Variants in DPP6 observed in about 807,000 individuals in gnomAD.
DPP6 encodes the protein A-type potassium channel modulatory protein DPP6.
DPP6 carries 69 observed loss-of-function variants against 122.6 expected under a neutral mutation model. The ratio of observed to expected loss-of-function variants is 0.56; its 90% CI spans 0.46 to 0.69. The LOEUF (loss-of-function observed/expected upper bound fraction) is 0.69, where lower values mean the gene tolerates loss of function less well. Among genes scored for constraint, DPP6 ranks in the 30% least tolerant of loss-of-function variants. DPP6 has a pLI of 0.00. For missense variants in DPP6, 928 were observed against 1,116.9 expected, an observed-to-expected ratio of 0.83 and a Z score of 2.41; for synonymous variants, 418 against 433.1, an observed-to-expected ratio of 0.97 and a Z score of 0.43.
chr7:154,622,467 G>C (rs1486138201), intron 5 of DPP6, among the ~76,000 whole-genome samples: 1 of 152,206 alleles, frequency 6.6e-6, no homozygotes, highest in Non-Finnish European at 1.5e-5. Flanking sequence ...AGTCTGTACA[G>C]GGTCTGGTTG....
chr7:154,467,048 G>A (rs1464416293), intron 2 of DPP6, among the ~76,000 whole-genome samples: 1 of 152,166 alleles, frequency 6.6e-6, no homozygotes, highest in Non-Finnish European at 1.5e-5. Context: ...TAGGATGACA[G>A]TTATAGACAT....
intron 1 of DPP6, among the ~76,000 whole-genome samples, chr7:154,361,576 A>T (rs1341325993): frequency 6.6e-6 from 1 of 151,062 alleles, no homozygotes; most frequent in Non-Finnish European, 1.5e-5. Context: ...ACACCTGAGC[A>T]AAGAAATCTT....
chr7:154,845,775 A>C (rs149828254), intron 16 of DPP6, among the ~76,000 whole-genome samples: 174 of 152,394 alleles, frequency 1.1e-3, no homozygotes, highest in Admixed American at 3.7e-3. Flanking sequence ...TCCATACACT[A>C]TCAGTTGGAG....
At position 153,997,730 on chromosome 7, in the gene DPP6, C is replaced by T. The variant is rs531834326; in HGVS notation, c.51+109996C>T. On this transcript the variant is annotated intron_variant, in intron 1 of 25. Coordinates refer to the DPP6 transcript ENST00000404039. ...GCAAATGCATTTATCAAGCATCCAGCGACAAAAAGCTCCTAGACGTCTACT... is the reference window on the plus strand; with the variant it reads ...GCAAATGCATTTATCAAGCATCCAGTGACAAAAAGCTCCTAGACGTCTACT... 2.1e-4 allele frequency among the ~76,000 whole-genome samples: 30 copies of T among 146,132 alleles called. 4 individuals are homozygous for T. The highest frequency in any genetic ancestry group is 8.0e-4 in the African/African-American group (30 of 37,308).
intron 5 of DPP6, chr7:154,587,846 A>G (rs561081590): frequency 4.3e-6 from 7 of 1,612,692 alleles, no homozygotes; most frequent in East Asian, 2.2e-5. Flanking sequence ...CCAGCTTGCC[A>G]TGTACAAGGG....
At chr7:154,110,398 ACT>A (rs1365677311) in intron 1 of DPP6, among the ~76,000 whole-genome samples, 4 of 152,094 alleles carry the variant, frequency 2.6e-5, no homozygotes, top group African/African-American at 9.7e-5. Context: ...AAGAAGCATC[ACT>A]CTGCTTGGGT....
At chr7:154,823,589 A>C (rs574753184) in intron 16 of DPP6, among the ~76,000 whole-genome samples, 1 of 152,286 alleles carries the variant, frequency 6.6e-6, no homozygotes, top group African/African-American at 2.4e-5. Context: ...TAAAGTCCTA[A>C]CCATCATTGT....
At chr7:154,127,370 A>G (rs1205827146) in intron 1 of DPP6, among the ~76,000 whole-genome samples, 2 of 152,188 alleles carry the variant, frequency 1.3e-5, no homozygotes, top group African/African-American at 4.8e-5. Context: ...CATTTTAGGT[A>G]TAGATTAAAA....
At chr7:154,473,709 A>G (rs1317298914) in intron 2 of DPP6, among the ~76,000 whole-genome samples, 1 of 152,234 alleles carries the variant, frequency 6.6e-6, no homozygotes, top group East Asian at 1.9e-4. Context: ...TTAAAACACA[A>G]AATTAAAAGA....
chr7:154,222,005 A>C (rs1373841792), intron 1 of DPP6, among the ~76,000 whole-genome samples: 2 of 152,114 alleles, frequency 1.3e-5, no homozygotes, highest in Admixed American at 1.3e-4. Context: ...TACCATGGGG[A>C]TAGAACATCT....
At chr7:153,870,458 C>G in the DPP6 span, among the ~76,000 whole-genome samples, 17 of 152,320 alleles carry the variant, frequency 1.1e-4, 1 homozygote, top group Admixed American at 9.8e-4. Context: ...ACTGAGGCTT[C>G]TGCATTCATC....
chr7:153,840,066 A>T, the DPP6 span, among the ~76,000 whole-genome samples: 1 of 152,300 alleles, frequency 6.6e-6, no homozygotes, highest in East Asian at 1.9e-4. Flanking sequence ...AGACAGTTTT[A>T]TTGGTTGTAG....
At chr7:154,477,740 G>T (rs1289872001) in intron 3 of DPP6, among the ~76,000 whole-genome samples, 1 of 152,136 alleles carries the variant, frequency 6.6e-6, no homozygotes, top group African/African-American at 2.4e-5. Flanking sequence ...CAATTGAGAC[G>T]TGGCTATGTG....
chr7:154,592,302 GA>G lies in DPP6; in HGVS notation c.627+25388del, dbSNP rs542032747. ...AAGGAAATGGAAGAAGAAGAAGAAA[GA>G]AGATGCATTTAAAACATATTACCAA... On this transcript the variant is annotated intron_variant, in intron 5 of 25. Coordinates refer to ENST00000377770, the MANE Select transcript of DPP6 (RefSeq NM_130797.4). Among the ~76,000 whole-genome samples the G allele has an allele frequency of 1.4e-3, 218 of 152,334 alleles. 2 individuals carry two copies. The highest frequency in any genetic ancestry group is 5.1e-3 in the African/African-American group (211 of 41,566).
chr7:154,050,848 G>A (rs1050732796), upstream of DPP6, among the ~76,000 whole-genome samples: 2 of 143,310 alleles, frequency 1.4e-5, no homozygotes, highest in Non-Finnish European at 3.1e-5. Flanking sequence ...TAACTACTGT[G>A]GAGTAAACAG....
At chr7:154,636,277 T>A (rs1835720421) in intron 5 of DPP6, among the ~76,000 whole-genome samples, 1 of 152,144 alleles carries the variant, frequency 6.6e-6, no homozygotes, top group Admixed American at 6.5e-5. Context: ...GAAGAAGCCG[T>A]TCCAGCTCAC....
chr7:154,062,286 CCCTCT>C (rs1416302858), intron 1 of DPP6, among the ~76,000 whole-genome samples: 1 of 83,040 alleles, frequency 1.2e-5, no homozygotes, highest in South Asian at 5.1e-4. Flanking sequence ...GAGAGCCAGT[CCCTCT>C]TCCCCCCCGG....
At chr7:154,004,750 A>G (rs1341624762) in intron 1 of DPP6, among the ~76,000 whole-genome samples, 1 of 151,942 alleles carries the variant, frequency 6.6e-6, no homozygotes, top group African/African-American at 2.4e-5. Context: ...GTTGTCTGTC[A>G]GCTTTGGACT....
chr7:154,032,257 A>T (rs1585204893), intron 1 of DPP6, among the ~76,000 whole-genome samples: 2 of 152,276 alleles, frequency 1.3e-5, no homozygotes, highest in South Asian at 4.1e-4. Context: ...GATAACTGGG[A>T]CAAGGACGTT....
Sources: allele counts gnomAD v4.1 joint callset (sites outside exome capture counted in the v4.1 genomes callset), GRCh38; gene constraint gnomAD v4.1.1; transcripts MANE v1.5; gene names NCBI Gene and HGNC (gene_info 2026-07-23, HGNC 2026-07-21).